Variants in RAB5C observed in about 807,000 individuals in gnomAD.
RAB5C encodes ras-related protein Rab-5C.
In RAB5C, 4 loss-of-function variants were observed where a neutral mutation model predicts 25.2. The observed-to-expected ratio is 0.16, with a 90% CI of 0.08 to 0.36. The LOEUF (loss-of-function observed/expected upper bound fraction) is 0.36. Among genes scored for constraint, RAB5C ranks in the 10% least tolerant of loss-of-function variants. The pLI, the probability that RAB5C is intolerant of heterozygous loss-of-function variation, is 1.00. For missense variants in RAB5C, 199 were observed against 283.8 expected (o/e 0.70, Z 2.15); for synonymous variants, 100 against 106.4 (o/e 0.94, Z 0.37).
At chr17:42,140,062 G>A (rs1264725518) in intron 1 of RAB5C, among the ~76,000 whole-genome samples, 1 of 152,120 alleles carries the variant, frequency 6.6e-6, no homozygotes, top group East Asian at 1.9e-4. Flanking sequence ...GGCTCTGCAG[G>A]GGTCAGAAGC....
Position 42,148,647 on chromosome 17 carries a change from G to A in RAB5C, c.-89+6246C>T, listed in dbSNP as rs547610142. Among the ~76,000 whole-genome samples, 40 of 152,340 alleles carry A rather than the reference G, an allele frequency of 2.6e-4. 1 individual carries two copies. The highest frequency in any genetic ancestry group is 2.2e-3 in the Admixed American group (33 of 15,306). On this transcript the variant is annotated intron_variant, in intron 1 of 5. Transcript: ENST00000346213. ...AGCAGTTGAGAAGACAGCCCATGTAGGAGACAAGCCCTCAGCCCATTTGGG... is the reference window on the plus strand; with the variant it reads ...AGCAGTTGAGAAGACAGCCCATGTAAGAGACAAGCCCTCAGCCCATTTGGG...
chr17:42,136,559 A>G (rs2054538585), intron 1 of RAB5C: 1 of 152,220 alleles, frequency 6.6e-6, no homozygotes, highest in South Asian at 2.1e-4. Flanking sequence ...TATCAGCTTC[A>G]GTTCCTTATC....
intron 1 of RAB5C, among the ~76,000 whole-genome samples, chr17:42,134,345 G>A (rs1403078394): frequency 6.6e-6 from 1 of 152,136 alleles, no homozygotes; most frequent in Non-Finnish European, 1.5e-5. Flanking sequence ...AGCCAAAACT[G>A]ACATAGTTTT....
chr17:42,151,103 C>T (rs2079667821), intron 1 of RAB5C, among the ~76,000 whole-genome samples: 1 of 152,112 alleles, frequency 6.6e-6, no homozygotes, highest in Non-Finnish European at 1.5e-5. Flanking sequence ...CTAGTGCCTT[C>T]CACCCGACCA....
chr17:42,136,080 A>ACAAAACAAAATCAAAC (rs1165775923), intron 1 of RAB5C, among the ~76,000 whole-genome samples: 1 of 152,232 alleles, frequency 6.6e-6, no homozygotes, highest in Admixed American at 6.5e-5. Flanking sequence ...GTCCAGCAAA[A>ACAAAACAAAATCAAAC]CAAAACAAAA....
intron 1 of RAB5C, chr17:42,136,494 T>G (rs2054537749): frequency 6.6e-6 from 1 of 152,134 alleles, no homozygotes; most frequent in Admixed American, 6.5e-5. Context: ...TGGTTCAAGC[T>G]CCACTCCACC....
At chr17:42,143,254 A>G (rs759417328) in intron 1 of RAB5C, among the ~76,000 whole-genome samples, 4 of 152,222 alleles carry the variant, frequency 2.6e-5, no homozygotes, top group Non-Finnish European at 5.9e-5. Context: ...ACATCACTCT[A>G]TGTCAACATA....
intron 1 of RAB5C, among the ~76,000 whole-genome samples, chr17:42,144,478 AAAAT>A (rs1227305316): frequency 6.6e-6 from 1 of 151,436 alleles, no homozygotes; most frequent in Non-Finnish European, 1.5e-5. Context: ...TAAATAAATA[AAAAT>A]AAATGGGGGA....
chr17:42,127,396 A>G (rs937576791), intron 4 of RAB5C, among the ~76,000 whole-genome samples: 3 of 152,248 alleles, frequency 2.0e-5, no homozygotes, highest in African/African-American at 2.4e-5. Context: ...TTCTTTCTCA[A>G]TAAGTTTAAT....
intron 1 of RAB5C, chr17:42,136,288 T>C (rs1215394259): frequency 2.0e-5 from 3 of 152,258 alleles, no homozygotes; most frequent in African/African-American, 7.2e-5. Context: ...AACACAGCTC[T>C]TCCTCAAAAG....
intron 1 of RAB5C, among the ~76,000 whole-genome samples, chr17:42,148,259 G>A (rs1426365154): frequency 6.6e-6 from 1 of 151,940 alleles, no homozygotes; most frequent in Non-Finnish European, 1.5e-5. Context: ...TACAAAACTA[G>A]ATGGGCGTGG....
In RAB5C at chr17:42,128,379, G is replaced by A; in HGVS notation, c.323C>T (p.Thr108Ile). The A allele has an allele frequency of 6.2e-7, 1 of 1,612,844 alleles. No homozygotes were observed. ...CACCCAGTTCTTGGCCCGTGCAAAT[G>A]TATCCTGAGGAGACAGGGACAGAAT... The part of the protein sequence containing the change: ...IVVYDITNTD[T>I]FARAKNWVKE... Residue 108 changes from threonine (T) to isoleucine (I), a missense_variant, in exon 4 of 6, where the codon ACA (threonine) becomes ATA (isoleucine). Thr to Ile is a moderately conservative substitution (Grantham distance 89). Transcript: ENST00000346213.
intron 1 of RAB5C, among the ~76,000 whole-genome samples, chr17:42,137,287 C>A (rs1481196687): frequency 1.4e-5 from 2 of 146,254 alleles, no homozygotes; most frequent in African/African-American, 5.1e-5. Context: ...GCCTGGACAA[C>A]AGAGCGAGAC....
At chr17:42,133,924 T>C (rs2054511171) in intron 1 of RAB5C, among the ~76,000 whole-genome samples, 1 of 152,200 alleles carries the variant, frequency 6.6e-6, no homozygotes, top group African/African-American at 2.4e-5. Context: ...ATGAACTAGC[T>C]GGTGACATGT....
chr17:42,152,779 CA>C (rs142043898), intron 1 of RAB5C, among the ~76,000 whole-genome samples: 9,609 of 117,698 alleles, frequency 0.082, 289 homozygotes, highest in African/African-American at 0.11. Context: ...GCTCTGTCTC[CA>C]AAAAAAAAAA....
At chr17:42,127,004 C>T (rs970876019) in intron 4 of RAB5C, among the ~76,000 whole-genome samples, 156 bp from the exon 5 acceptor site, 1 of 152,232 alleles carries the variant, frequency 6.6e-6, no homozygotes, top group Non-Finnish European at 1.5e-5. Context: ...CTGCCCTGAT[C>T]TGGGTTTCCC....
At position 42,128,706 on chromosome 17, in the gene RAB5C, G is replaced by T. The variant is rs779285763; in HGVS notation, c.261C>A (p.Ala87=). ...TAGQERYHSL[A]PMYYRGAQAA... is the part of the protein sequence containing the mutation. ...CCTGGGCCCCCCGATAGTACATGGG[G>T]GCCAGGCTGTGATACCGCTCCTGTC... Residue 87 remains alanine, a synonymous_variant, in exon 3 of 6, where the codon GCC becomes GCA. Transcript: ENST00000346213. 6.4e-7 allele frequency: 1 copy of T among 1,572,408 alleles called. No individual in the cohort carries two copies. The highest frequency in any genetic ancestry group is 8.6e-7 in the Non-Finnish European group (1 of 1,160,934).
At chr17:42,135,181 T>G (rs570244211) in intron 1 of RAB5C, among the ~76,000 whole-genome samples, 2 of 151,966 alleles carry the variant, frequency 1.3e-5, no homozygotes, top group Non-Finnish European at 2.9e-5. Context: ...GGCGGGGTTT[T>G]ACCACGCTGG....
chr17:42,130,208 A>C, intron 2 of RAB5C, 129 bp downstream of exon 2: 1 of 1,315,776 alleles, frequency 7.6e-7, no homozygotes, highest in African/African-American at 1.5e-5. Flanking sequence ...GGCCCAGGTG[A>C]GGAAGTGGGG....
Sources: gnomAD v4.1 joint callset for allele counts (sites outside exome capture counted in the v4.1 genomes callset) on GRCh38, gnomAD v4.1.1 for gene constraint, MANE v1.5 for transcripts, NCBI Gene and HGNC (gene_info 2026-07-23, HGNC 2026-07-21) for gene names.